Variants in DPP6 observed in about 807,000 individuals in gnomAD.
DPP6 encodes the protein A-type potassium channel modulatory protein DPP6.
A neutral mutation model predicts 122.6 loss-of-function variants in DPP6; 69 were observed. The observed-to-expected ratio is 0.56, with a 90% CI of 0.46 to 0.69. The LOEUF (loss-of-function observed/expected upper bound fraction) is 0.69, where lower values mean the gene tolerates loss of function less well. DPP6 is among the 30% of genes least tolerant of loss of function. DPP6 has a pLI of 0.00. For missense variants in DPP6, 928 were observed against 1,116.9 expected, an observed-to-expected ratio of 0.83 and a Z score of 2.41; for synonymous variants, 418 against 433.1, an observed-to-expected ratio of 0.97 and a Z score of 0.43.
At chr7:154,085,430 G>A (rs575762942) in intron 1 of DPP6, among the ~76,000 whole-genome samples, 5 of 152,174 alleles carry the variant, frequency 3.3e-5, no homozygotes, top group South Asian at 2.1e-4. Flanking sequence ...AATGCATCTC[G>A]CCAACTAGAC....
chr7:154,378,562 G>A (rs895702179), intron 1 of DPP6, among the ~76,000 whole-genome samples: 1 of 152,188 alleles, frequency 6.6e-6, no homozygotes, highest in Non-Finnish European at 1.5e-5. Context: ...GCAGATGGCT[G>A]CCTTCTTGTT....
intron 11 of DPP6, among the ~76,000 whole-genome samples, chr7:154,795,606 T>C (rs1797994096): frequency 1.3e-5 from 2 of 152,014 alleles, no homozygotes; most frequent in South Asian, 4.1e-4. Context: ...CTAGGGATAG[T>C]GGCATTTTCT....
At chr7:154,620,825 G>T (rs142232850) in intron 5 of DPP6, among the ~76,000 whole-genome samples, 257 of 152,204 alleles carry the variant, frequency 1.7e-3, no homozygotes, top group Admixed American at 3.5e-3. Flanking sequence ...AATTGTTTTG[G>T]TGGACTCCTC....
At chr7:154,430,842 A>AACTG (rs1164026992) in intron 1 of DPP6, among the ~76,000 whole-genome samples, 1 of 147,910 alleles carries the variant, frequency 6.8e-6, no homozygotes, top group Non-Finnish European at 1.5e-5. Flanking sequence ...ATGGAAGCTC[A>AACTG]GCTGGCACAT....
intron 7 of DPP6, among the ~76,000 whole-genome samples, chr7:154,707,372 A>G (rs4960594): frequency 6.6e-6 from 1 of 152,002 alleles, no homozygotes; most frequent in African/African-American, 2.4e-5. Flanking sequence ...CAGTTAAATG[A>G]TTTTTTTTGC....
At chr7:154,130,325 C>A (rs1425891727) in intron 1 of DPP6, among the ~76,000 whole-genome samples, 1 of 152,044 alleles carries the variant, frequency 6.6e-6, no homozygotes, top group East Asian at 1.9e-4. Context: ...AAAAAACAGA[C>A]CCGGCATCTA....
intron 1 of DPP6, among the ~76,000 whole-genome samples, chr7:154,117,703 ATGAGTGTAAATTAAC>A (rs1324385540): frequency 2.6e-5 from 4 of 152,048 alleles, no homozygotes; most frequent in Non-Finnish European, 5.9e-5. Context: ...CTGCTGCTTA[ATGAGTGTAAATTAAC>A]TGATCATTTG....
At chr7:154,807,214 G>C in intron 16 of DPP6, 102 bp downstream of exon 16, 1 of 1,480,140 alleles carries the variant, frequency 6.8e-7, no homozygotes, top group Non-Finnish European at 9.1e-7. Context: ...TGTGGTGGGA[G>C]CACAGCGTAT....
intron 4 of DPP6, among the ~76,000 whole-genome samples, chr7:154,566,119 G>A (rs1029248237): frequency 6.6e-6 from 1 of 152,216 alleles, no homozygotes; most frequent in African/African-American, 2.4e-5. Flanking sequence ...AAAAGAGCAA[G>A]TTGCAAAATA....
intron 5 of DPP6, among the ~76,000 whole-genome samples, chr7:154,636,785 A>G (rs1012216182): frequency 2.0e-5 from 3 of 152,198 alleles, no homozygotes; most frequent in Non-Finnish European, 2.9e-5. Flanking sequence ...TTGCAAGCTC[A>G]TTTCCATCAT....
At chr7:154,094,115 C>G (rs1452195248) in intron 1 of DPP6, 1 of 152,152 alleles carries the variant, frequency 6.6e-6, no homozygotes, top group Non-Finnish European at 1.5e-5. Context: ...TGAATCCTAG[C>G]TAGACAGACG....
At chr7:154,342,864 C>T (rs1008370735) in intron 1 of DPP6, among the ~76,000 whole-genome samples, 1 of 152,180 alleles carries the variant, frequency 6.6e-6, no homozygotes, top group African/African-American at 2.4e-5. Context: ...GCAAGCCAAT[C>T]GTGGCCAAAG....
At chr7:153,761,644 A>G in the DPP6 span, among the ~76,000 whole-genome samples, 1 of 152,168 alleles carries the variant, frequency 6.6e-6, no homozygotes. Flanking sequence ...TTATGGTCAA[A>G]AGCTAATAAA....
the DPP6 span, among the ~76,000 whole-genome samples, chr7:153,765,465 C>G: frequency 1.3e-5 from 2 of 151,692 alleles, no homozygotes; most frequent in South Asian, 2.1e-4. Context: ...TCCCTTGAAC[C>G]AGGGAGGTGG....
chr7:154,867,828 G>C (rs543442542), intron 17 of DPP6, among the ~76,000 whole-genome samples, 167 bp from the exon 18 acceptor site: 1 of 152,124 alleles, frequency 6.6e-6, no homozygotes, highest in Non-Finnish European at 1.5e-5. Flanking sequence ...CGCATAACTT[G>C]AGCGTGTTTT....
chr7:154,130,884 A>T (rs918611505), intron 1 of DPP6, among the ~76,000 whole-genome samples: 3 of 152,168 alleles, frequency 2.0e-5, no homozygotes, highest in Admixed American at 6.5e-5. Context: ...GCAGATCACC[A>T]TGGAAAATGC....
chr7:154,841,346 G>T (rs1801525504), intron 16 of DPP6, among the ~76,000 whole-genome samples: 1 of 140,758 alleles, frequency 7.1e-6, no homozygotes, highest in Non-Finnish European at 1.5e-5. Flanking sequence ...TGTAGCCTTT[G>T]CCCCCCTGTA....
chr7:153,918,565 AGTCTCTCTCTCTCTCT>A (rs1229930318), intron 1 of DPP6, among the ~76,000 whole-genome samples: 5,096 of 56,912 alleles, frequency 0.09, 119 homozygotes, highest in Middle Eastern at 0.14. Context: ...ACACACACAC[AGTCTCTCTCTCTCTCT>A]CTCTCTCTCT....
In DPP6 at chr7:154,545,982, C is replaced by T. The variant is rs147814434; in HGVS notation, c.552+5356C>T. On this transcript the variant is annotated intron_variant, in intron 4 of 25. Coordinates refer to ENST00000377770, the MANE Select transcript of DPP6 (RefSeq NM_130797.4). Reference sequence around the variant, plus strand: ...GTGTTTGGAAAGCAACTTAGTGATACGTTTCAGGAGCAGTAACAATATTGA... The same window carrying T: ...GTGTTTGGAAAGCAACTTAGTGATATGTTTCAGGAGCAGTAACAATATTGA... Among the ~76,000 whole-genome samples, 10 of 152,194 alleles carry T rather than the reference C, an allele frequency of 6.6e-5. No homozygotes were observed. In the East Asian group the frequency reaches 1.4e-3, roughly 21 times the overall value.
Sources: allele counts gnomAD v4.1 joint callset (sites outside exome capture counted in the v4.1 genomes callset), GRCh38; gene constraint gnomAD v4.1.1; transcripts MANE v1.5; gene names NCBI Gene and HGNC (gene_info 2026-07-23, HGNC 2026-07-21).